Variants in DIAPH3 observed in about 807,000 individuals in gnomAD.
DIAPH3 encodes diaphanous related formin 3.
DIAPH3 carries 117 observed loss-of-function variants against 144.3 expected under a neutral mutation model. That is an observed-to-expected ratio of 0.81 (90% CI 0.70 to 0.95). The LOEUF (loss-of-function observed/expected upper bound fraction) is 0.95. Among genes scored for constraint, DIAPH3 ranks in the 40% least tolerant of loss-of-function variants. The pLI, the probability that DIAPH3 is intolerant of heterozygous loss-of-function variation, is 0.00. For missense variants in DIAPH3, 1,421 were observed against 1,412.7 expected (o/e 1.01, Z -0.09); for synonymous variants, 519 against 488.9 (o/e 1.06, Z -0.81).
At chr13:60,122,498 T>A (rs562365801) in intron 2 of DIAPH3, among the ~76,000 whole-genome samples, 4 of 152,206 alleles carry the variant, frequency 2.6e-5, no homozygotes, top group Non-Finnish European at 5.9e-5. Context: ...CCTCTGAACT[T>A]ACCACAGTTC....
At chr13:59,863,815 G>A (rs527738416) in intron 21 of DIAPH3, among the ~76,000 whole-genome samples, 38 of 152,216 alleles carry the variant, frequency 2.5e-4, no homozygotes, top group African/African-American at 7.5e-4. Context: ...TCAAAAACAT[G>A]ACTCCATTGA....
chr13:59,956,861 A>T lies in DIAPH3; in HGVS notation c.2074+13083T>A, dbSNP rs367987192. Among the ~76,000 whole-genome samples, 19 of 152,288 alleles carry T rather than the reference A, an allele frequency of 1.2e-4. 1 individual carries two copies. The East Asian group carries it at 1.4e-3, about 11-fold the overall frequency. ...CACCTCTTGCATTAGTGTGACCTAGATGTGAGACATGGAGTCAAAGGAGAT... is the reference window on the plus strand; with the variant it reads ...CACCTCTTGCATTAGTGTGACCTAGTTGTGAGACATGGAGTCAAAGGAGAT... On this transcript the variant is annotated intron_variant, in intron 17 of 27. Coordinates refer to ENST00000400324, the MANE Select transcript of DIAPH3 (RefSeq NM_001042517.2).
chr13:60,007,065 T>C (rs2052921097), intron 9 of DIAPH3, among the ~76,000 whole-genome samples: 1 of 152,200 alleles, frequency 6.6e-6, no homozygotes. Context: ...TTTTTTTTTT[T>C]TCTTGAGTCA....
intron 17 of DIAPH3, among the ~76,000 whole-genome samples, chr13:59,933,718 C>T (rs1208948600): frequency 6.6e-6 from 1 of 152,160 alleles, no homozygotes; most frequent in Non-Finnish European, 1.5e-5. Flanking sequence ...ACAGCATATG[C>T]AGCATTTTAT....
intron 22 of DIAPH3, among the ~76,000 whole-genome samples, chr13:59,842,951 C>T (rs2042427817): frequency 6.6e-6 from 1 of 152,142 alleles, no homozygotes; most frequent in South Asian, 2.1e-4. Context: ...AGCCTCATTA[C>T]AAAGGCACTA....
intron 3 of DIAPH3, among the ~76,000 whole-genome samples, chr13:60,102,445 TAAAG>T (rs142073848): frequency 0.037 from 5,662 of 152,260 alleles, 165 homozygotes; most frequent in East Asian, 0.1. Context: ...ATTTGCTAAA[TAAAG>T]AAGATGTCAG....
chr13:59,714,862 C>A (rs984207215), intron 27 of DIAPH3, among the ~76,000 whole-genome samples: 1 of 152,028 alleles, frequency 6.6e-6, no homozygotes, highest in Admixed American at 6.5e-5. Context: ...TCATACAGCT[C>A]AATTTTATAA....
chr13:59,900,556 C>A (rs1283150709), intron 20 of DIAPH3, among the ~76,000 whole-genome samples: 2 of 152,170 alleles, frequency 1.3e-5, no homozygotes, highest in Non-Finnish European at 2.9e-5. Context: ...TGATAACCAG[C>A]AGCAAAAACA....
chr13:59,696,655 T>TA (rs1181511931), intron 27 of DIAPH3, among the ~76,000 whole-genome samples: 2 of 152,236 alleles, frequency 1.3e-5, no homozygotes, highest in African/African-American at 2.4e-5. Context: ...TAAATGGCTG[T>TA]GAAAATTGAT....
intron 21 of DIAPH3, among the ~76,000 whole-genome samples, chr13:59,865,736 C>T (rs574611679): frequency 1.1e-4 from 17 of 152,008 alleles, no homozygotes; most frequent in Middle Eastern, 3.4e-3. Flanking sequence ...AACTCCCTTG[C>T]AGTTACAGTG....
At chr13:59,973,543 C>T (rs1209344292) in intron 15 of DIAPH3, among the ~76,000 whole-genome samples, 1 of 151,984 alleles carries the variant, frequency 6.6e-6, no homozygotes, top group African/African-American at 2.4e-5. Context: ...AAATTGAATA[C>T]TAACAGATAG....
chr13:59,826,245 C>T (rs2041410856), intron 24 of DIAPH3, among the ~76,000 whole-genome samples: 1 of 114,026 alleles, frequency 8.8e-6, no homozygotes, highest in Non-Finnish European at 1.9e-5. Context: ...CAAATTGTCC[C>T]TGTTTGCAGA....
intron 27 of DIAPH3, among the ~76,000 whole-genome samples, chr13:59,698,472 T>C (rs1044144747): frequency 4.6e-5 from 7 of 152,158 alleles, no homozygotes; most frequent in African/African-American, 1.7e-4. Flanking sequence ...ACCTGCTACA[T>C]TTGAAAATCA....
chr13:59,993,723 C>T (rs1322654776), intron 9 of DIAPH3, among the ~76,000 whole-genome samples: 2 of 38,824 alleles, frequency 5.2e-5, no homozygotes, highest in Non-Finnish European at 1.2e-4. Flanking sequence ...AAAAAAAAAA[C>T]TTAACAGAAT....
chr13:60,066,005 T>G (rs1266758606), intron 4 of DIAPH3, among the ~76,000 whole-genome samples: 1 of 152,182 alleles, frequency 6.6e-6, no homozygotes, highest in Non-Finnish European at 1.5e-5. Context: ...ATGTCATTTT[T>G]AATAAATCAT....
At chr13:59,795,663 T>TA (rs2039562262) in intron 25 of DIAPH3, among the ~76,000 whole-genome samples, 2 of 151,908 alleles carry the variant, frequency 1.3e-5, no homozygotes, top group Admixed American at 6.6e-5. Context: ...CTGTGCGTGC[T>TA]AAGATGGTCT....
At chr13:59,900,236 C>T (rs1474465829) in intron 20 of DIAPH3, among the ~76,000 whole-genome samples, 2 of 152,168 alleles carry the variant, frequency 1.3e-5, no homozygotes, top group Non-Finnish European at 2.9e-5. Flanking sequence ...GGCATTTTAA[C>T]TTTATCTTAG....
At chr13:59,916,043 T>G in intron 19 of DIAPH3, 112 bp downstream of exon 19, 1 of 899,024 alleles carries the variant, frequency 1.1e-6, no homozygotes, top group Non-Finnish European at 1.8e-6. Flanking sequence ...TATGCAGCAA[T>G]GATTTTCCAG....
chr13:59,934,598 G>C (rs565231414), intron 17 of DIAPH3, among the ~76,000 whole-genome samples: 4 of 152,248 alleles, frequency 2.6e-5, no homozygotes, highest in East Asian at 1.9e-4. Flanking sequence ...GAGATTCTAA[G>C]AGGCTGATAA....
Sources: allele counts gnomAD v4.1 joint callset (sites outside exome capture counted in the v4.1 genomes callset), GRCh38; gene constraint gnomAD v4.1.1; transcripts MANE v1.5; gene names NCBI Gene and HGNC (gene_info 2026-07-23, HGNC 2026-07-21).